The following PTPRD variants were observed in gnomAD, a reference collection of about 807,000 sequenced individuals.
The protein encoded by PTPRD is protein tyrosine phosphatase receptor type D.
Under a neutral mutation model 214.5 loss-of-function variants are expected in PTPRD, and 34 were observed. The observed-to-expected ratio is 0.16, with a 90% confidence interval of 0.12 to 0.21. The LOEUF (loss-of-function observed/expected upper bound fraction) is 0.21. PTPRD is among the 10% of genes least tolerant of loss of function. The pLI, the probability that PTPRD is intolerant of heterozygous loss-of-function variation, is 1.00. For synonymous variants in PTPRD, 1,128 were observed against 845.7 expected (o/e 1.33, Z -5.79); for missense variants, 2,545 against 2,398.7 (o/e 1.06, Z -1.27).
intron 9 of PTPRD, among the ~76,000 whole-genome samples, chr9:9,250,112 C>T (rs2099974845): frequency 6.6e-6 from 1 of 152,060 alleles, no homozygotes; most frequent in Non-Finnish European, 1.5e-5. Flanking sequence ...CCCGAGCACA[C>T]CATGAACAGT....
At chr9:10,215,595 T>G (rs1410384302) in intron 3 of PTPRD, among the ~76,000 whole-genome samples, 25 of 152,060 alleles carry the variant, frequency 1.6e-4, no homozygotes, top group Admixed American at 1.6e-3. Flanking sequence ...TGATATTATC[T>G]AGTTATTTGC....
chr9:10,140,674 G>T (rs909612757), intron 3 of PTPRD, among the ~76,000 whole-genome samples: 1 of 152,076 alleles, frequency 6.6e-6, no homozygotes, highest in Non-Finnish European at 1.5e-5. Flanking sequence ...GAGGTACAAG[G>T]AGGAACTGGT....
intron 10 of PTPRD, among the ~76,000 whole-genome samples, chr9:9,170,359 G>T (rs1315177873): frequency 6.6e-6 from 1 of 152,072 alleles, no homozygotes; most frequent in Non-Finnish European, 1.5e-5. Flanking sequence ...TGGCATCACT[G>T]AATAGAAAAA....
At position 8,573,996 on chromosome 9, in the gene PTPRD, A is replaced by G. The variant is rs372720209; in HGVS notation, c.353-45217T>C. Among the ~76,000 whole-genome samples the G allele has an allele frequency of 5.1e-3, 782 of 152,064 alleles. 4 individuals are homozygous for G. The highest frequency in any genetic ancestry group is 0.02 in the Middle Eastern group (6 of 294). ...ATTATTCATCCTTGTATTTTCAGAT[A>G]GTTGGAAGAAATGGCAGTTCCAGGG... On this transcript the variant is annotated intron_variant, in intron 14 of 45. Transcript: ENST00000381196.
chr9:8,805,986 C>T (rs972818529), intron 11 of PTPRD, among the ~76,000 whole-genome samples: 3 of 138,974 alleles, frequency 2.2e-5, no homozygotes, highest in Admixed American at 7.3e-5. Flanking sequence ...CAGAACGAGA[C>T]TCCGTCTCAG....
intron 10 of PTPRD, among the ~76,000 whole-genome samples, chr9:9,168,598 T>C (rs2099908581): frequency 6.6e-6 from 1 of 152,096 alleles, no homozygotes; most frequent in Admixed American, 6.6e-5. Context: ...CAGCGAAACT[T>C]ATAGTTTAAA....
chr9:9,198,606 T>G (rs1306953907), intron 9 of PTPRD, among the ~76,000 whole-genome samples: 2 of 152,086 alleles, frequency 1.3e-5, no homozygotes, highest in Non-Finnish European at 2.9e-5. Context: ...TCCTGAGATT[T>G]GGCATTTCAA....
chr9:8,528,181 T>C, intron 15 of PTPRD: 1 of 385,760 alleles, frequency 2.6e-6, no homozygotes, highest in Non-Finnish European at 4.6e-6. Context: ...CATTTTATTT[T>C]TTAATGGATA....
intron 10 of PTPRD, among the ~76,000 whole-genome samples, chr9:9,104,029 A>G (rs2099795053): frequency 1.3e-5 from 2 of 152,130 alleles, no homozygotes; most frequent in African/African-American, 2.4e-5. Context: ...TCTTCCAAAC[A>G]CACAGTAATT....
chr9:9,419,253 C>T (rs1265300794), intron 8 of PTPRD, among the ~76,000 whole-genome samples: 3 of 65,274 alleles, frequency 4.6e-5, no homozygotes, highest in Non-Finnish European at 7.2e-5. Context: ...AAGACAGTCT[C>T]ATTGTAAGAA....
chr9:9,606,954 C>A (rs57786495), intron 7 of PTPRD, among the ~76,000 whole-genome samples: 1 of 97,998 alleles, frequency 1.0e-5, no homozygotes. Context: ...TATCTGATTA[C>A]TCAGCACTGC....
intron 11 of PTPRD, among the ~76,000 whole-genome samples, chr9:8,806,861 A>C (rs1334061238): frequency 6.6e-6 from 1 of 152,208 alleles, no homozygotes; most frequent in East Asian, 1.9e-4. Flanking sequence ...AAGATTTACT[A>C]TAATGGTGCC....
chr9:9,769,235 C>T (rs2098731656), intron 5 of PTPRD, among the ~76,000 whole-genome samples: 1 of 150,812 alleles, frequency 6.6e-6, no homozygotes, highest in Admixed American at 6.6e-5. Flanking sequence ...TACATTTTAA[C>T]CAGAAGCCCT....
In PTPRD at chr9:9,745,129, G is replaced by A. The variant is rs570098141; in HGVS notation, c.-325-10558C>T. 2.9e-3 allele frequency among the ~76,000 whole-genome samples: 444 copies of A among 152,026 alleles called. 2 individuals are homozygous for A. Among genetic ancestry groups the A allele is most frequent in the African/African-American group, 0.01 (421 of 41,508 alleles). On this transcript the variant is annotated intron_variant, in intron 6 of 45. Transcript: ENST00000381196. ...ATTAAAAATTATAATTATAAAAATA[G>A]TTAACCAGAAGAAAAAACTCAAAAT... is the stretch of plus-strand genomic sequence containing the variant.
chr9:9,891,593 A>G (rs535089404), intron 5 of PTPRD, among the ~76,000 whole-genome samples: 109 of 152,252 alleles, frequency 7.2e-4, no homozygotes, highest in African/African-American at 2.5e-3. Context: ...ATGCTGATAC[A>G]GGTCTATTCC....
chr9:8,556,674 G>A (rs560066654), intron 14 of PTPRD, among the ~76,000 whole-genome samples: 12 of 152,106 alleles, frequency 7.9e-5, no homozygotes, highest in Middle Eastern at 3.4e-3. Flanking sequence ...ATTATAAGAG[G>A]TCACTTTCAC....
chr9:8,560,756 A>G (rs1173158637), intron 14 of PTPRD, among the ~76,000 whole-genome samples: 2 of 152,166 alleles, frequency 1.3e-5, no homozygotes, highest in Non-Finnish European at 2.9e-5. Flanking sequence ...GTGCCTGTAT[A>G]AGGAGCATAA....
chr9:9,402,663 C>A (rs541321121), intron 8 of PTPRD, among the ~76,000 whole-genome samples: 1 of 151,784 alleles, frequency 6.6e-6, no homozygotes, highest in African/African-American at 2.4e-5. Context: ...CAATTCCAAA[C>A]ATAGATTATG....
chr9:10,193,754 G>A (rs1246408274), intron 3 of PTPRD, among the ~76,000 whole-genome samples: 2 of 151,994 alleles, frequency 1.3e-5, no homozygotes, highest in African/African-American at 2.4e-5. Context: ...AGAGTTTTAG[G>A]AAAGCAATTG....
Sources: allele counts gnomAD v4.1 joint callset (sites outside exome capture counted in the v4.1 genomes callset), GRCh38; gene constraint gnomAD v4.1.1; transcripts MANE v1.5; gene names NCBI Gene and HGNC (gene_info 2026-07-23, HGNC 2026-07-21).